DCBLD2: variants seen among roughly 807,000 people sequenced by gnomAD.
DCBLD2 encodes discoidin, CUB and LCCL domain containing 2, also known as discoidin, CUB and LCCL domain-containing protein 2.
A neutral mutation model predicts 86.8 loss-of-function variants in DCBLD2; 54 were observed. The observed-to-expected ratio is 0.62, with a 90% CI of 0.50 to 0.78. The LOEUF (loss-of-function observed/expected upper bound fraction) is 0.78, where lower values mean the gene tolerates loss of function less well. DCBLD2 is among the 30% of genes least tolerant of loss of function. The pLI, the probability that DCBLD2 is intolerant of heterozygous loss-of-function variation, is 0.00. For synonymous variants in DCBLD2, 354 were observed against 341.3 expected, an observed-to-expected ratio of 1.04 and a Z score of -0.41; for missense variants, 908 against 954.2, an observed-to-expected ratio of 0.95 and a Z score of 0.64.
intron 2 of DCBLD2, among the ~76,000 whole-genome samples, chr3:98,869,584 C>T (rs1390156692): frequency 2.0e-5 from 3 of 152,152 alleles, no homozygotes; most frequent in African/African-American, 7.2e-5. Flanking sequence ...GACCCTTTTC[C>T]TGTTTTCAAA....
At chr3:98,813,938 C>T (rs1010705379) in intron 9 of DCBLD2, 21 of 152,172 alleles carry the variant, frequency 1.4e-4, no homozygotes, top group African/African-American at 5.1e-4. Flanking sequence ...GGTCTTCCGA[C>T]TTAAGTATGG....
intron 1 of DCBLD2, among the ~76,000 whole-genome samples, chr3:98,887,502 T>C (rs764865331): frequency 5.3e-5 from 8 of 152,026 alleles, no homozygotes; most frequent in Non-Finnish European, 1.2e-4. Flanking sequence ...TTTCACTTAA[T>C]TTTTTAATGT....
chr3:98,863,941 T>A (rs547415389), intron 2 of DCBLD2, among the ~76,000 whole-genome samples: 1 of 151,862 alleles, frequency 6.6e-6, no homozygotes, highest in African/African-American at 2.4e-5. Flanking sequence ...TGGGAGAAAA[T>A]TTTTGCAATC....
intron 2 of DCBLD2, among the ~76,000 whole-genome samples, chr3:98,860,820 C>A (rs1404096247): frequency 6.6e-6 from 1 of 152,118 alleles, no homozygotes; most frequent in Admixed American, 6.6e-5. Context: ...CATCAACTAA[C>A]AAGCAAAATA....
intron 3 of DCBLD2, 126 bp from the exon 4 acceptor site, chr3:98,825,492 G>T: frequency 1.4e-6 from 1 of 708,778 alleles, no homozygotes; most frequent in Non-Finnish European, 2.3e-6. Flanking sequence ...CACTGTCAAA[G>T]TGGTACTAAA....
chr3:98,800,318 G>C (rs6780169), intron 15 of DCBLD2, among the ~76,000 whole-genome samples: 7 of 151,890 alleles, frequency 4.6e-5, no homozygotes, highest in African/African-American at 1.5e-4. Flanking sequence ...TCAACATCTC[G>C]GGTCTCCCCA....
At chr3:98,821,175 A>C (rs1406677974) in intron 6 of DCBLD2, 1 of 152,200 alleles carries the variant, frequency 6.6e-6, no homozygotes, top group Non-Finnish European at 1.5e-5. Flanking sequence ...TCTTTACAGA[A>C]CAAATCTGCT....
intron 2 of DCBLD2, among the ~76,000 whole-genome samples, chr3:98,878,062 A>G (rs1943400438): frequency 6.6e-6 from 1 of 152,236 alleles, no homozygotes; most frequent in South Asian, 2.1e-4. Context: ...ATGAAATTAG[A>G]AAATAATAAT....
At chr3:98,816,756 T>G (rs1218378607) in intron 9 of DCBLD2, among the ~76,000 whole-genome samples, 1 of 152,176 alleles carries the variant, frequency 6.6e-6, no homozygotes, top group Non-Finnish European at 1.5e-5. Flanking sequence ...ATAGGAAAGT[T>G]TGAAAAAATG....
chr3:98,863,406 A>T (rs562535781), intron 2 of DCBLD2, among the ~76,000 whole-genome samples: 5 of 152,304 alleles, frequency 3.3e-5, no homozygotes, highest in South Asian at 2.1e-4. Flanking sequence ...CATTGCCAAG[A>T]CAATCCTAAG....
intron 2 of DCBLD2, among the ~76,000 whole-genome samples, chr3:98,863,607 T>TG (rs1943086347): frequency 6.6e-6 from 1 of 152,130 alleles, no homozygotes; most frequent in Non-Finnish European, 1.5e-5. Context: ...AAACAAGAAA[T>TG]GGGGAAAGGA....
chr3:98,897,977 T>C (rs1051287884), intron 1 of DCBLD2, among the ~76,000 whole-genome samples: 12 of 152,068 alleles, frequency 7.9e-5, no homozygotes, highest in Admixed American at 1.3e-4. Context: ...ATAGCAAATA[T>C]GCTACCAGCA....
At chr3:98,823,637 C>G (rs1366960989) in intron 4 of DCBLD2, among the ~76,000 whole-genome samples, 2 of 8,288 alleles carry the variant, frequency 2.4e-4, no homozygotes, top group Non-Finnish European at 4.8e-3. Context: ...TTTGATTCTG[C>G]TATGAAGTCA....
At chr3:98,862,140 C>T (rs1347526591) in intron 2 of DCBLD2, among the ~76,000 whole-genome samples, 1 of 152,068 alleles carries the variant, frequency 6.6e-6, no homozygotes, top group African/African-American at 2.4e-5. Flanking sequence ...GGATAAGTTC[C>T]TGGACATGCA....
chr3:98,839,127 C>CCTTCCTTCCTTCCT, intron 3 of DCBLD2, among the ~76,000 whole-genome samples: 1 of 20,936 alleles, frequency 4.8e-5, no homozygotes, highest in Admixed American at 8.3e-4. Context: ...CTTTTTCTTT[C>CCTTCCTTCCTTCCT]TTTCCTTCCT....
intron 9 of DCBLD2, 146 bp from the exon 10 acceptor site, chr3:98,812,628 A>C (rs1260190151): frequency 3.0e-5 from 19 of 633,952 alleles, no homozygotes; most frequent in Non-Finnish European, 2.5e-5. Context: ...TTAAGAAAAT[A>C]ATCATAATTT....
chr3:98,842,912 C>T (rs867143221), intron 3 of DCBLD2, among the ~76,000 whole-genome samples: 9 of 152,246 alleles, frequency 5.9e-5, no homozygotes, highest in Admixed American at 1.3e-4. Flanking sequence ...CTGTACAGCA[C>T]AGGACAGCAC....
chr3:98,809,306 G>A (rs756365101), intron 12 of DCBLD2, among the ~76,000 whole-genome samples: 2 of 150,304 alleles, frequency 1.3e-5, no homozygotes, highest in South Asian at 2.1e-4. Context: ...GCTCAGAGCC[G>A]GACACTGCAA....
chr3:98,860,605 T>G (rs558194244), intron 2 of DCBLD2, among the ~76,000 whole-genome samples: 1 of 152,332 alleles, frequency 6.6e-6, no homozygotes, highest in Non-Finnish European at 1.5e-5. Flanking sequence ...CAACCCGGAA[T>G]TTCATATCCA....
Sources: gnomAD v4.1 joint callset for allele counts (sites outside exome capture counted in the v4.1 genomes callset) on GRCh38, gnomAD v4.1.1 for gene constraint, MANE v1.5 for transcripts, NCBI Gene and HGNC (gene_info 2026-07-23, HGNC 2026-07-21) for gene names.